The following ZNF850 variants were observed in gnomAD, a reference collection of about 807,000 sequenced individuals.
ZNF850 encodes the protein zinc finger protein 850, also known as putative zinc finger protein ENSP00000330994.
A neutral mutation model predicts 11.9 loss-of-function variants in ZNF850; 2 were observed. The observed-to-expected ratio is 0.17, with a 90% CI of 0.07 to 0.53. The LOEUF is 0.53. Ranked by LOEUF, ZNF850 falls within the 20% of genes least tolerant of loss-of-function variation. ZNF850 has a pLI of 0.94. For missense variants in ZNF850, 1,014 were observed against 1,316.4 expected, an observed-to-expected ratio of 0.77 and a Z score of 3.55; for synonymous variants, 381 against 443.0, an observed-to-expected ratio of 0.86 and a Z score of 1.76.
chr19:36,758,061 C>T (rs1265470967), intron 4 of ZNF850, among the ~76,000 whole-genome samples: 1 of 152,220 alleles, frequency 6.6e-6, no homozygotes, highest in Non-Finnish European at 1.5e-5. Context: ...CTAGCGGCTA[C>T]TGTATGGAAC....
chr19:36,751,324 A>G (rs2040452794), intron 4 of ZNF850, among the ~76,000 whole-genome samples: 1 of 152,126 alleles, frequency 6.6e-6, no homozygotes, highest in Non-Finnish European at 1.5e-5. Flanking sequence ...GTCAAAGCAA[A>G]GAGGAGCCAA....
intron 4 of ZNF850, among the ~76,000 whole-genome samples, chr19:36,757,093 A>G (rs2040491082): frequency 6.6e-6 from 1 of 152,202 alleles, no homozygotes; most frequent in African/African-American, 2.4e-5. Context: ...GCTTCCTGGC[A>G]GTGTCAGAGA....
chr19:36,769,577 G>A (rs2145971200), intron 1 of ZNF850, among the ~76,000 whole-genome samples: 1 of 152,274 alleles, frequency 6.6e-6, no homozygotes, highest in Middle Eastern at 3.4e-3. Flanking sequence ...TCCAGCCTGG[G>A]AGACAGAGTG....
Position 36,750,362 on chromosome 19 carries a change from T to C in ZNF850, c.678A>G (p.Ala226=), listed in dbSNP as rs1023348689. ...TAAAAGCTTTTCCATATTCTTTACA[T>C]GCACAGGGCTTTTCCCCAGTATGAA... The part of the protein sequence containing the change: ...QRIHTGEKPC[A]CKEYGKAFIS... Residue 226 remains alanine (A), a synonymous_variant, in exon 5 of 5, where the codon GCA becomes GCG. Transcript: ENST00000591344. 3 of 1,536,438 alleles carry C rather than the reference T, an allele frequency of 2.0e-6. No homozygotes were observed. The highest frequency in any genetic ancestry group is 1.7e-4 in the Middle Eastern group (1 of 6,012).
At chr19:36,765,248 C>G (rs985552678) in intron 1 of ZNF850, among the ~76,000 whole-genome samples, 6 of 152,190 alleles carry the variant, frequency 3.9e-5, no homozygotes, top group Non-Finnish European at 8.8e-5. Context: ...GGCCAAAAAG[C>G]TAACTTGAAG....
chr19:36,761,674 A>G lies in ZNF850; in HGVS notation c.204T>C (p.Val68=). 6.4e-7 allele frequency: 1 copy of G among 1,560,626 alleles called. No homozygotes were observed. The highest frequency in any genetic ancestry group is 8.6e-7 in the Non-Finnish European group (1 of 1,159,194). ...ACCATCCTCCCAGCACGTCCCTTGA[A>G]ACCATCCAGGGCTCTTTCCCTTGCT... The part of the protein sequence containing the change: ...LLEQGKEPWM[V]SRDVLGGWCR... Residue 68 remains valine, a synonymous_variant, in exon 4 of 5, where the codon GTT becomes GTC. Coordinates refer to ENST00000591344, the MANE Select transcript of ZNF850 (RefSeq NM_001193552.2).
At chr19:36,751,420 G>A (rs1247205795) in intron 4 of ZNF850, among the ~76,000 whole-genome samples, 2 of 152,034 alleles carry the variant, frequency 1.3e-5, no homozygotes, top group Non-Finnish European at 2.9e-5. Flanking sequence ...AGCTAAGGAG[G>A]CCAGGCACAG....
At position 36,750,066 on chromosome 19, in the gene ZNF850, A is replaced by C; in HGVS notation, c.974T>G (p.Ile325Ser). 1 of 1,539,576 alleles carries C rather than the reference A, an allele frequency of 6.5e-7. No individual in the cohort carries two copies. The highest frequency in any genetic ancestry group is 8.7e-7 in the Non-Finnish European group (1 of 1,147,100). ...ACCAGTGTGAATTTGCTGGTGTCGA[A>C]TTAGTGTTGAGCCAACAGTAAAAGA... ...GKSFTVGSTL[I>S]RHQQIHTGEK... The change falls in exon 5 of 5, where the codon ATT becomes AGT. Residue 325 changes from isoleucine to serine, a missense_variant. Around this residue, in one of 2 missense-constraint regions of ZNF850, gnomAD observed 835 missense variants for 1,022.0 expected, o/e 0.82. Transcript: ENST00000591344.
Position 36,749,304 on chromosome 19 carries a change from T to G in ZNF850, c.1736A>C (p.His579Pro), listed in dbSNP as rs1276958585. ...TTTCTCACCAGTGTGAATTCGCTGA[T>G]GTTGAATTAGTGCTGAGCGAGAAGT... ...SFTSRSALIQ[H>P]QRIHTGEKPY... Residue 579 changes from histidine (H) to proline (P), a missense_variant, in exon 5 of 5, where the codon CAT becomes CCT. His to Pro is a moderately conservative substitution (Grantham distance 77, BLOSUM62 -2). Transcript: ENST00000591344. 1.3e-6 allele frequency: 2 copies of G among 1,566,832 alleles called. No individual in the cohort carries two copies. Among genetic ancestry groups the G allele is most frequent in the Non-Finnish European group, 8.6e-7 (1 of 1,160,194 alleles).
chr19:36,755,059 T>C (rs1461062991), intron 4 of ZNF850, among the ~76,000 whole-genome samples: 1 of 152,082 alleles, frequency 6.6e-6, no homozygotes, highest in Non-Finnish European at 1.5e-5. Context: ...CAGCAGTGCG[T>C]GAAGTAAGTC....
intron 1 of ZNF850, among the ~76,000 whole-genome samples, chr19:36,769,372 G>A (rs188930058): frequency 3.3e-5 from 5 of 152,070 alleles, no homozygotes; most frequent in Admixed American, 6.5e-5. Flanking sequence ...GGCAGAGGTA[G>A]GAGGATCACT....
At chr19:36,760,523 AGAAAAGAAGGCT>A (rs2040511607) in intron 4 of ZNF850, among the ~76,000 whole-genome samples, 1 of 152,092 alleles carries the variant, frequency 6.6e-6, no homozygotes, top group Non-Finnish European at 1.5e-5. Flanking sequence ...TCACCCACCA[AGAAAAGAAGGCT>A]TTATGATTTT....
chr19:36,766,920 T>C (rs2040552538), intron 1 of ZNF850, among the ~76,000 whole-genome samples: 1 of 152,006 alleles, frequency 6.6e-6, no homozygotes, highest in Admixed American at 6.6e-5. Flanking sequence ...CTGACCAACA[T>C]AGTGAAACCT....
intron 4 of ZNF850, among the ~76,000 whole-genome samples, chr19:36,759,978 A>G (rs2040508661): frequency 6.6e-6 from 1 of 152,222 alleles, no homozygotes; most frequent in Non-Finnish European, 1.5e-5. Context: ...TAAGTCTTCT[A>G]TATTTAACTT....
rs534513563 is a variant in ZNF850 at position 36,748,727 on chromosome 19, T to C, written c.2313A>G (p.Thr771=). 3.9e-5 allele frequency: 60 copies of C among 1,541,450 alleles called. No homozygotes were observed. The African/African-American group carries it at 6.8e-4, about 18-fold the overall frequency. The part of the protein sequence containing the change: ...ECGKSFTSHS[T]LIQHQQIHTG... ...TGTGTATTTGCTGATGTTGAATTAG[T>C]GTTGAGTGAGAAGTAAAAGATTTCC... The change falls in exon 5 of 5, where the codon ACA becomes ACG. Residue 771 remains threonine (T), a synonymous_variant. Coordinates refer to ENST00000591344, the MANE Select transcript of ZNF850 (RefSeq NM_001193552.2).
chr19:36,771,177 C>A (rs1468797342), intron 1 of ZNF850, among the ~76,000 whole-genome samples: 2 of 152,078 alleles, frequency 1.3e-5, no homozygotes, highest in Admixed American at 6.6e-5. Context: ...AGGATGAGGT[C>A]GGAGCGGAAG....
intron 4 of ZNF850, among the ~76,000 whole-genome samples, chr19:36,756,194 G>A (rs1054509097): frequency 4.6e-5 from 7 of 152,194 alleles, no homozygotes; most frequent in South Asian, 4.2e-4. Context: ...ATGAGCCACC[G>A]CACCTGGCCT....
intron 4 of ZNF850, among the ~76,000 whole-genome samples, chr19:36,757,875 G>A (rs1351066503): frequency 1.3e-5 from 2 of 152,022 alleles, no homozygotes; most frequent in South Asian, 2.1e-4. Flanking sequence ...GGGCTGGAAT[G>A]CAGTGGTGCA....
rs1162505531 is a variant in ZNF850 at position 36,745,327 on chromosome 19, G to A, written c.*2440C>T. ...ATACAACAATCCGAAGTGCATAGACGATGAGGTAAGATTTTTTTCATCAAC... is the reference window on the plus strand; with the variant it reads ...ATACAACAATCCGAAGTGCATAGACAATGAGGTAAGATTTTTTTCATCAAC... On this transcript the variant is annotated 3_prime_UTR_variant, in exon 5 of 5. Coordinates refer to ENST00000591344, the MANE Select transcript of ZNF850 (RefSeq NM_001193552.2). 1 of 152,052 alleles carries A rather than the reference G, an allele frequency of 6.6e-6. No homozygotes were observed. The highest frequency in any genetic ancestry group is 1.5e-5 in the Non-Finnish European group (1 of 68,014). 9.4% of individuals were successfully genotyped at this position (152,052 alleles called of 1,614,324 possible). A position where few individuals can be genotyped will look rare whatever the true frequency, so the allele number is the denominator to read the frequency against.
Sources: gnomAD v4.1 joint callset for allele counts (sites outside exome capture counted in the v4.1 genomes callset) on GRCh38, gnomAD v4.1.1 for gene constraint, gnomAD v4.1.1 regional missense constraint, MANE v1.5 for transcripts, NCBI Gene and HGNC (gene_info 2026-07-23, HGNC 2026-07-21) for gene names.